Variants in MAP3K13 observed in about 807,000 individuals in gnomAD.
The protein encoded by MAP3K13 is mitogen-activated protein kinase kinase kinase 13, also known as leucine zipper-bearing kinase.
Under a neutral mutation model 104.0 loss-of-function variants are expected in MAP3K13, and 52 were observed. The ratio of observed to expected loss-of-function variants is 0.50; its 90% CI spans 0.40 to 0.63. The LOEUF (loss-of-function observed/expected upper bound fraction) is 0.63. MAP3K13 is among the 20% of genes least tolerant of loss of function. The pLI, the probability that MAP3K13 is intolerant of heterozygous loss-of-function variation, is 0.00. For missense variants in MAP3K13, 914 were observed against 1,218.5 expected (o/e 0.75, Z 3.72); for synonymous variants, 394 against 442.2 (o/e 0.89, Z 1.37).
intron 1 of MAP3K13, among the ~76,000 whole-genome samples, chr3:185,390,664 G>A (rs1408022238): frequency 1.5e-5 from 2 of 132,802 alleles, no homozygotes; most frequent in African/African-American, 2.9e-5. Context: ...TTGCTCTGTC[G>A]CCAGGCTGGA....
chr3:185,325,555 C>T (rs955175496), intron 2 of MAP3K13, among the ~76,000 whole-genome samples: 2 of 152,202 alleles, frequency 1.3e-5, no homozygotes, highest in African/African-American at 4.8e-5. Context: ...TCAGTGTCAC[C>T]TCAAAACTGC....
chr3:185,372,923 C>T (rs1000364902), intron 1 of MAP3K13, among the ~76,000 whole-genome samples: 3 of 152,154 alleles, frequency 2.0e-5, no homozygotes, highest in African/African-American at 7.2e-5. Context: ...ATACCTGTAC[C>T]TGAGACTGTC....
chr3:185,384,340 G>A (rs867771312), intron 1 of MAP3K13, among the ~76,000 whole-genome samples: 3 of 151,218 alleles, frequency 2.0e-5, no homozygotes, highest in African/African-American at 7.3e-5. Flanking sequence ...GTGTGTGTGA[G>A]ACACATTGTC....
At chr3:185,407,871 T>A (rs1201780791) in intron 1 of MAP3K13, among the ~76,000 whole-genome samples, 3 of 19,072 alleles carry the variant, frequency 1.6e-4, no homozygotes, top group East Asian at 1.4e-3. Flanking sequence ...TTTTGAGAAT[T>A]TTTTTTTTTT....
rs1369294656 is a variant in MAP3K13 at position 185,315,717 on chromosome 3, G to A, written c.-86+30074G>A. On this transcript the variant is annotated intron_variant, in intron 2 of 14. Coordinates refer to the MAP3K13 transcript ENST00000424227. The surrounding 1 kb of genome is among the most constrained non-coding windows in gnomAD (Gnocchi z 4.3). Reference sequence around the variant, plus strand: ...GATATTAACCACCTTTACTTTCAGGGACCTAATCTGTAAAATGAGGATAAC... The same window carrying A: ...GATATTAACCACCTTTACTTTCAGGAACCTAATCTGTAAAATGAGGATAAC... 6.6e-6 allele frequency among the ~76,000 whole-genome samples: 1 copy of A among 152,048 alleles called. No homozygotes were observed. The highest frequency in any genetic ancestry group is 2.4e-5 in the African/African-American group (1 of 41,394).
chr3:185,335,279 C>G (rs1384617216), intron 2 of MAP3K13, among the ~76,000 whole-genome samples: 1 of 152,148 alleles, frequency 6.6e-6, no homozygotes, highest in Non-Finnish European at 1.5e-5. Context: ...CTTTGATTCT[C>G]TCCTCAAAAT....
intron 1 of MAP3K13, among the ~76,000 whole-genome samples, chr3:185,399,681 A>G (rs1279157033): frequency 1.3e-4 from 13 of 103,970 alleles, no homozygotes; most frequent in African/African-American, 4.1e-4. Context: ...GAAGGAAGGA[A>G]GGAAGGAAGG....
intron 2 of MAP3K13, among the ~76,000 whole-genome samples, chr3:185,316,730 A>T (rs1329223143): frequency 6.6e-6 from 1 of 152,236 alleles, no homozygotes; most frequent in East Asian, 1.9e-4. Context: ...CAATTTGATT[A>T]TCTAGTCTTT....
At chr3:185,362,838 T>G (rs534661575), upstream of MAP3K13, among the ~76,000 whole-genome samples, 12 of 152,254 alleles carry the variant, frequency 7.9e-5, no homozygotes, top group East Asian at 2.1e-3. Flanking sequence ...TTCTTCTATA[T>G]GCATTTTTGT....
At chr3:185,294,448 A>G (rs542351402) in intron 2 of MAP3K13, among the ~76,000 whole-genome samples, 4 of 152,338 alleles carry the variant, frequency 2.6e-5, no homozygotes, top group African/African-American at 7.2e-5. Flanking sequence ...AAGGTTGTAC[A>G]AGGTATTACT....
At chr3:185,354,614 G>GGC (rs1164941429) in intron 2 of MAP3K13, among the ~76,000 whole-genome samples, 1 of 151,476 alleles carries the variant, frequency 6.6e-6, no homozygotes, top group Non-Finnish European at 1.5e-5. Context: ...AGTATGGGGG[G>GGC]GGGGCAGGGT....
At chr3:185,476,123 T>C (rs1718110784) in intron 11 of MAP3K13, among the ~76,000 whole-genome samples, 1 of 152,086 alleles carries the variant, frequency 6.6e-6, no homozygotes, top group Non-Finnish European at 1.5e-5. Context: ...AGTCACCACA[T>C]TCCCCAGGCT....
chr3:185,402,172 A>G (rs1712853116), intron 1 of MAP3K13, among the ~76,000 whole-genome samples: 1 of 152,178 alleles, frequency 6.6e-6, no homozygotes, highest in African/African-American at 2.4e-5. Flanking sequence ...CGGTCCTAGG[A>G]AAGACGCCAC....
chr3:185,480,712 A>G (rs941429834), intron 13 of MAP3K13, among the ~76,000 whole-genome samples, 183 bp downstream of exon 13: 5 of 152,194 alleles, frequency 3.3e-5, no homozygotes, highest in Non-Finnish European at 7.3e-5. Context: ...AAAGAGGTTT[A>G]ATTGACTCAC....
At chr3:185,380,314 C>T (rs903717796) in intron 1 of MAP3K13, among the ~76,000 whole-genome samples, 7 of 151,214 alleles carry the variant, frequency 4.6e-5, no homozygotes, top group Non-Finnish European at 5.9e-5. Flanking sequence ...AGATAGAGAC[C>T]ATCCTGGCCA....
chr3:185,339,912 T>C (rs1381981239), intron 2 of MAP3K13, among the ~76,000 whole-genome samples: 1 of 152,124 alleles, frequency 6.6e-6, no homozygotes, highest in Non-Finnish European at 1.5e-5. Flanking sequence ...AAAATGATCA[T>C]GCAAGCTGAA....
intron 2 of MAP3K13, among the ~76,000 whole-genome samples, chr3:185,290,920 G>A (rs1162736818): frequency 1.3e-5 from 2 of 152,190 alleles, no homozygotes; most frequent in East Asian, 3.8e-4. Flanking sequence ...AAAGAGAAGG[G>A]AGAGGTATGG....
intron 1 of MAP3K13, among the ~76,000 whole-genome samples, chr3:185,391,028 C>A (rs562375868): frequency 2.6e-5 from 4 of 152,248 alleles, no homozygotes; most frequent in Non-Finnish European, 5.9e-5. Context: ...ATACTGAAGG[C>A]AGGATTTTGC....
At chr3:185,471,861 G>A (rs1717814061) in intron 10 of MAP3K13, among the ~76,000 whole-genome samples, 2 of 152,154 alleles carry the variant, frequency 1.3e-5, no homozygotes, top group African/African-American at 2.4e-5. Context: ...TGGTAGAGCT[G>A]TGTTTCATCT....
Sources: allele counts gnomAD v4.1 joint callset (sites outside exome capture counted in the v4.1 genomes callset), GRCh38; gene constraint gnomAD v4.1.1; non-coding constraint Gnocchi (gnomAD v3.1); transcripts MANE v1.5; gene names NCBI Gene and HGNC (gene_info 2026-07-23, HGNC 2026-07-21).